FBXL17: variants seen among roughly 807,000 people sequenced by gnomAD.
FBXL17 encodes the protein F-box and leucine rich repeat protein 17.
FBXL17 carries 22 observed loss-of-function variants against 66.2 expected under a neutral mutation model. The ratio of observed to expected loss-of-function variants is 0.33; its 90% CI spans 0.24 to 0.47. The LOEUF (loss-of-function observed/expected upper bound fraction) is 0.47, where lower values mean the gene tolerates loss of function less well. Ranked by LOEUF, FBXL17 falls within the 20% of genes least tolerant of loss-of-function variation. The probability of loss-of-function intolerance (pLI) is 1.00; values close to 1 mark genes in which losing one functional copy is unlikely to be tolerated. For synonymous variants in FBXL17, 474 were observed against 400.5 expected (o/e 1.18, Z -2.19); for missense variants, 878 against 948.2 (o/e 0.93, Z 0.97).
At chr5:108,107,922 T>C (rs1008316208) in intron 6 of FBXL17, among the ~76,000 whole-genome samples, 4 of 152,130 alleles carry the variant, frequency 2.6e-5, no homozygotes, top group East Asian at 1.9e-4. Flanking sequence ...CCAGACCCCT[T>C]TGCATGACCT....
chr5:108,277,899 T>C (rs1170081635), intron 4 of FBXL17, among the ~76,000 whole-genome samples: 1 of 152,224 alleles, frequency 6.6e-6, no homozygotes, highest in East Asian at 1.9e-4. Flanking sequence ...TAAAAATACT[T>C]TTCTTTCAAG....
intron 6 of FBXL17, among the ~76,000 whole-genome samples, chr5:108,171,225 T>A (rs1403565033): frequency 6.6e-6 from 1 of 152,208 alleles, no homozygotes; most frequent in Non-Finnish European, 1.5e-5. Flanking sequence ...TACTTTATTG[T>A]AATGTTATTA....
At chr5:107,970,545 G>C (rs1752330510) in intron 7 of FBXL17, among the ~76,000 whole-genome samples, 1 of 152,150 alleles carries the variant, frequency 6.6e-6, no homozygotes. Context: ...AAAAATAAGA[G>C]CAGAAAGAAA....
chr5:107,984,957 T>C (rs1231905284), intron 7 of FBXL17, among the ~76,000 whole-genome samples: 2 of 152,210 alleles, frequency 1.3e-5, no homozygotes, highest in Non-Finnish European at 2.9e-5. Context: ...CTACCTTTTG[T>C]AGAAAATCAG....
At position 108,006,673 on chromosome 5, in the gene FBXL17, T is replaced by G. The variant is rs545227178; in HGVS notation, c.1822+14252A>C. Reference sequence around the variant, plus strand: ...ATAATCAGTATTACATACTTAGCTCTTTTTATGGGAAGCAGGTATGAATAA... The same window carrying G: ...ATAATCAGTATTACATACTTAGCTCGTTTTATGGGAAGCAGGTATGAATAA... On this transcript the variant is annotated intron_variant, in intron 7 of 8. Transcript: ENST00000542267. Among the ~76,000 whole-genome samples, 103 of 152,318 alleles carry G rather than the reference T, an allele frequency of 6.8e-4. 1 individual carries two copies. The South Asian group carries it at 0.013, about 19-fold the overall frequency.
intron 1 of FBXL17, among the ~76,000 whole-genome samples, chr5:108,371,506 G>A (rs900044008): frequency 6.6e-6 from 1 of 152,176 alleles, no homozygotes; most frequent in Non-Finnish European, 1.5e-5. Context: ...TTTGGCCTGT[G>A]AAGGGCTACA....
intron 7 of FBXL17, among the ~76,000 whole-genome samples, chr5:107,896,345 A>T (rs1749381091): frequency 1.3e-5 from 2 of 152,310 alleles, no homozygotes; most frequent in South Asian, 4.1e-4. Flanking sequence ...GATGAGTAAA[A>T]GAAAGTCCTT....
chr5:108,116,711 T>C (rs1396809180), intron 6 of FBXL17, among the ~76,000 whole-genome samples: 3 of 148,546 alleles, frequency 2.0e-5, no homozygotes, highest in South Asian at 2.2e-4. Context: ...AATGGGATGA[T>C]AGATGAATAA....
chr5:108,025,754 C>G (rs902848958), intron 6 of FBXL17, among the ~76,000 whole-genome samples: 3 of 149,528 alleles, frequency 2.0e-5, no homozygotes, highest in Non-Finnish European at 4.5e-5. Flanking sequence ...CACACACACA[C>G]AGGCCCCACA....
intron 1 of FBXL17, among the ~76,000 whole-genome samples, chr5:108,379,032 T>C (rs1749648562): frequency 6.6e-6 from 1 of 152,198 alleles, no homozygotes; most frequent in South Asian, 2.1e-4. Flanking sequence ...CCATGGTAAT[T>C]CCCATATGTC....
chr5:108,246,347 G>A (rs1051473852), intron 4 of FBXL17, among the ~76,000 whole-genome samples: 3 of 151,958 alleles, frequency 2.0e-5, no homozygotes, highest in Non-Finnish European at 4.4e-5. Flanking sequence ...AAGTAAATAA[G>A]TAAATAAGCA....
intron 7 of FBXL17, among the ~76,000 whole-genome samples, chr5:107,978,111 C>G (rs1331331531): frequency 1.3e-5 from 2 of 151,468 alleles, no homozygotes; most frequent in Non-Finnish European, 2.9e-5. Context: ...TTCTCAGTGT[C>G]CAGGTAATGC....
At chr5:108,377,218 A>G (rs1580928476) in intron 1 of FBXL17, among the ~76,000 whole-genome samples, 1 of 152,198 alleles carries the variant, frequency 6.6e-6, no homozygotes, top group Admixed American at 6.5e-5. Flanking sequence ...TCAGTTAGAC[A>G]ACCTCAGGTC....
intron 2 of FBXL17, 51 bp from the exon 3 acceptor site, chr5:108,365,046 AT>A: frequency 2.2e-6 from 3 of 1,347,464 alleles, no homozygotes; most frequent in East Asian, 2.4e-5. Flanking sequence ...ATAAAAACGT[AT>A]TTTCCATTTT....
At chr5:108,107,649 A>G (rs1749855356) in intron 6 of FBXL17, among the ~76,000 whole-genome samples, 1 of 151,628 alleles carries the variant, frequency 6.6e-6, no homozygotes, top group South Asian at 2.1e-4. Flanking sequence ...CATCTCTACT[A>G]AAAATACAAA....
intron 7 of FBXL17, among the ~76,000 whole-genome samples, chr5:107,985,607 T>C (rs1244882536): frequency 2.0e-5 from 3 of 152,202 alleles, no homozygotes; most frequent in Admixed American, 6.5e-5. Flanking sequence ...AAAATTACTT[T>C]GATCATCTTA....
intron 7 of FBXL17, among the ~76,000 whole-genome samples, chr5:107,977,853 G>A (rs899043668): frequency 3.3e-5 from 5 of 152,142 alleles, no homozygotes; most frequent in Admixed American, 6.5e-5. Flanking sequence ...AGGCATGAAC[G>A]TGGTTAAAGG....
intron 4 of FBXL17, among the ~76,000 whole-genome samples, chr5:108,237,983 A>G (rs1332786493): frequency 6.6e-6 from 1 of 152,138 alleles, no homozygotes; most frequent in Non-Finnish European, 1.5e-5. Context: ...TGTTTACTCA[A>G]CTCTTCAAAA....
At chr5:107,998,766 G>A (rs1753587861) in intron 7 of FBXL17, among the ~76,000 whole-genome samples, 2 of 152,024 alleles carry the variant, frequency 1.3e-5, no homozygotes, top group South Asian at 4.1e-4. Flanking sequence ...TCTTCCCAGT[G>A]CCATCCATCC....
Sources: gnomAD v4.1 joint callset for allele counts (sites outside exome capture counted in the v4.1 genomes callset) on GRCh38, gnomAD v4.1.1 for gene constraint, MANE v1.5 for transcripts, NCBI Gene and HGNC (gene_info 2026-07-23, HGNC 2026-07-21) for gene names.